The following SDK2 variants were observed in gnomAD, a reference collection of about 807,000 sequenced individuals.
SDK2 encodes the protein sidekick cell adhesion molecule 2.
A neutral mutation model predicts 253.9 loss-of-function variants in SDK2; 105 were observed. The ratio of observed to expected loss-of-function variants is 0.41; its 90% confidence interval spans 0.35 to 0.49. The LOEUF (loss-of-function observed/expected upper bound fraction) is 0.49. Ranked by LOEUF, SDK2 falls within the 20% of genes least tolerant of loss-of-function variation. SDK2 has a pLI of 0.06. For synonymous variants in SDK2, 1,249 were observed against 1,234.9 expected (o/e 1.01, Z -0.24); for missense variants, 2,608 against 3,003.0 (o/e 0.87, Z 3.07).
chr17:73,588,411 A>G (rs928270681), intron 1 of SDK2, among the ~76,000 whole-genome samples: 2 of 151,186 alleles, frequency 1.3e-5, no homozygotes, highest in Non-Finnish European at 3.0e-5. Context: ...AAAAAAAAAA[A>G]AGAAAGAAAT....
chr17:73,473,837 A>C (rs1282661307), intron 2 of SDK2, among the ~76,000 whole-genome samples: 1 of 152,238 alleles, frequency 6.6e-6, no homozygotes, highest in Non-Finnish European at 1.5e-5. Context: ...CCAACCAGAA[A>C]GCAAACAGAC....
chr17:73,380,219 T>G (rs1317219229), intron 34 of SDK2, among the ~76,000 whole-genome samples: 2 of 152,064 alleles, frequency 1.3e-5, no homozygotes, highest in African/African-American at 2.4e-5. Context: ...AACAGGGTTG[T>G]GAGAGGGGTG....
chr17:73,466,361 G>T (rs2063597199), intron 3 of SDK2, among the ~76,000 whole-genome samples: 1 of 152,204 alleles, frequency 6.6e-6, no homozygotes, highest in Admixed American at 6.5e-5. Flanking sequence ...AACCACTCAG[G>T]TCAGTCCGTA....
chr17:73,426,447 A>AT (rs2063285046), intron 12 of SDK2, among the ~76,000 whole-genome samples: 1 of 151,762 alleles, frequency 6.6e-6, no homozygotes, highest in Non-Finnish European at 1.5e-5. Context: ...CCACACCATG[A>AT]TTTTTTATTG....
chr17:73,424,098 A>G lies in SDK2; in HGVS notation c.1584-6T>C. 1 of 1,609,316 alleles carries G rather than the reference A, an allele frequency of 6.2e-7. No individual in the cohort carries two copies. Among genetic ancestry groups the G allele is most frequent in the Non-Finnish European group, 8.5e-7 (1 of 1,178,602 alleles). Reference sequence around the variant, plus strand: ...CGTCCTTCTCCCAGATGTACCTAAAAGTAAGAAGAACCCGTAAGTACAGAG... The same window carrying G: ...CGTCCTTCTCCCAGATGTACCTAAAGGTAAGAAGAACCCGTAAGTACAGAG... On this transcript the variant is annotated splice_region_variant and splice_polypyrimidine_tract_variant and intron_variant, in intron 12 of 44. Coordinates refer to ENST00000392650, the MANE Select transcript of SDK2 (RefSeq NM_001144952.2).
At position 73,368,425 on chromosome 17, in the gene SDK2, C is replaced by T; in HGVS notation, c.5149G>A (p.Gly1717Ser). 1 of 1,578,548 alleles carries T rather than the reference C, an allele frequency of 6.3e-7. No individual in the cohort carries two copies. Among genetic ancestry groups the T allele is most frequent in the Non-Finnish European group, 8.6e-7 (1 of 1,162,726 alleles). Residue 1717 changes from glycine (G) to serine (S), a missense_variant, in exon 37 of 45, where the codon GGC becomes AGC. Coordinates refer to ENST00000392650, the MANE Select transcript of SDK2 (RefSeq NM_001144952.2). ...CTCCCACCTGCTTGCTGGGTCTGGC[C>T]TTGGGTGGGGGTGCTCCGAGGCCCA... ...GDGPRSTPTQ[G>S]QTQQAAPSAP...
At chr17:73,580,389 C>T (rs967561205) in intron 1 of SDK2, among the ~76,000 whole-genome samples, 2 of 152,236 alleles carry the variant, frequency 1.3e-5, no homozygotes. Context: ...GTGTTAGCAC[C>T]CCTTTCCATG....
At chr17:73,615,390 A>T (rs2046041469) in intron 1 of SDK2, among the ~76,000 whole-genome samples, 1 of 152,150 alleles carries the variant, frequency 6.6e-6, no homozygotes. Context: ...TCCTCACCAT[A>T]AGCCCTAGTC....
intron 2 of SDK2, 64 bp from the exon 3 acceptor site, chr17:73,472,282 T>G (rs1331963772): frequency 1.6e-6 from 2 of 1,270,970 alleles, no homozygotes; most frequent in African/African-American, 3.0e-5. Flanking sequence ...GAGGTCAGAT[T>G]GGGCTCAGAG....
rs893045886 is a variant in SDK2 at position 73,525,240 on chromosome 17, G to T, written c.65-17643C>A. ...CCATGGGGAACTGACACAGGGAGAG[G>T]GAGGGCCCCAGAAGCAGCCCTCGAG... On this transcript the variant is annotated intron_variant, in intron 1 of 44. Transcript: ENST00000392650. Among the ~76,000 whole-genome samples, 39 of 152,162 alleles carry T rather than the reference G, an allele frequency of 2.6e-4. 1 individual carries two copies. Among genetic ancestry groups the T allele is most frequent in the Admixed American group, 1.9e-3 (29 of 15,276 alleles).
At chr17:73,438,805 G>T (rs2063392422) in intron 6 of SDK2, among the ~76,000 whole-genome samples, 2 of 152,094 alleles carry the variant, frequency 1.3e-5, no homozygotes, top group African/African-American at 4.8e-5. Context: ...CCTGAGGACG[G>T]ATCTTCCAAA....
Position 73,392,272 on chromosome 17 carries a change from C to CT in SDK2, c.3899-735dup, listed in dbSNP as rs35908922. ...GAATAAGATGTCTGAGATTTCCAAA[C>CT]TTTTTTTTTTTTTTTAATACCGAGT... On this transcript the variant is annotated intron_variant, in intron 27 of 44. Coordinates refer to ENST00000392650, the MANE Select transcript of SDK2 (RefSeq NM_001144952.2). Among the ~76,000 whole-genome samples, 797 of 140,990 alleles carry CT rather than the reference C, an allele frequency of 5.7e-3. 4 individuals are homozygous for CT. Among genetic ancestry groups the CT allele is most frequent in the African/African-American group, 0.018 (674 of 37,642 alleles). 92.5% of individuals were successfully genotyped at this position (140,990 alleles called of 152,430 possible).
chr17:73,444,641 G>A (rs1429188086), intron 5 of SDK2, among the ~76,000 whole-genome samples: 1 of 152,206 alleles, frequency 6.6e-6, no homozygotes, highest in Non-Finnish European at 1.5e-5. Context: ...ATTTACAGAT[G>A]GGGAAACTGA....
intron 15 of SDK2, among the ~76,000 whole-genome samples, chr17:73,421,644 C>G (rs1398440594): frequency 6.9e-6 from 1 of 145,850 alleles, no homozygotes; most frequent in Admixed American, 6.9e-5. Flanking sequence ...TCACTGCAAC[C>G]TCTGCCTCCC....
At position 73,433,720 on chromosome 17, in the gene SDK2, T is replaced by C. The variant is rs758327345; in HGVS notation, c.1312+12A>G. On this transcript the variant is annotated intron_variant, in intron 10 of 44. Transcript: ENST00000392650. ...CACCCAGCCACACTCTCTGAAGGTGTGTTCCATCTACCTTTCTGCCAAGTG... is the reference window on the plus strand; with the variant it reads ...CACCCAGCCACACTCTCTGAAGGTGCGTTCCATCTACCTTTCTGCCAAGTG... 6.4e-6 allele frequency: 10 copies of C among 1,559,102 alleles called. No homozygotes were observed. In the East Asian group the frequency reaches 2.3e-4, roughly 36 times the overall value.
chr17:73,548,670 A>G (rs2045006077), intron 1 of SDK2, among the ~76,000 whole-genome samples: 1 of 152,206 alleles, frequency 6.6e-6, no homozygotes, highest in South Asian at 2.1e-4. Context: ...GAGGCCCTGG[A>G]TAGCCTGTCT....
chr17:73,421,459 A>G (rs1883252989), intron 15 of SDK2, among the ~76,000 whole-genome samples: 1 of 151,360 alleles, frequency 6.6e-6, no homozygotes, highest in Non-Finnish European at 1.5e-5. Flanking sequence ...TTCTTGCTAG[A>G]GGTGGCTGCT....
rs75620826 is a variant in SDK2, at chr17:73,577,786, C to T, written c.64+66239G>A. 3.8e-3 allele frequency among the ~76,000 whole-genome samples: 584 copies of T among 152,296 alleles called. 4 individuals are homozygous for T. The highest frequency in any genetic ancestry group is 0.014 in the African/African-American group (568 of 41,552). On this transcript the variant is annotated intron_variant, in intron 1 of 44. Coordinates refer to ENST00000392650, the MANE Select transcript of SDK2 (RefSeq NM_001144952.2). Reference sequence around the variant, plus strand: ...GTCTGTGGTCAGCAGAATGACACCTCCATAGAAGTCCATGCCCTGATCCCT... The same window carrying T: ...GTCTGTGGTCAGCAGAATGACACCTTCATAGAAGTCCATGCCCTGATCCCT...
At chr17:73,557,417 C>T (rs1449621713) in intron 1 of SDK2, among the ~76,000 whole-genome samples, 2 of 152,090 alleles carry the variant, frequency 1.3e-5, no homozygotes, top group African/African-American at 4.8e-5. Flanking sequence ...ATTCTCCTGC[C>T]TCAGCCTCCT....
Sources: gnomAD v4.1 joint callset for allele counts (sites outside exome capture counted in the v4.1 genomes callset) on GRCh38, gnomAD v4.1.1 for gene constraint, MANE v1.5 for transcripts, NCBI Gene and HGNC (gene_info 2026-07-23, HGNC 2026-07-21) for gene names.